BCKDHB: variants seen among roughly 807,000 people sequenced by gnomAD.
BCKDHB encodes branched chain keto acid dehydrogenase E1 subunit beta, also known as 2-oxoisovalerate dehydrogenase subunit beta, mitochondrial.
In BCKDHB, 41 loss-of-function variants were observed where a neutral mutation model predicts 48.5. The observed-to-expected ratio is 0.85, with a 90% confidence interval of 0.66 to 1.10. The LOEUF is 1.10. Among genes scored for constraint, BCKDHB ranks in the 50% least tolerant of loss-of-function variants. The pLI is 0.00. For synonymous variants in BCKDHB, 201 were observed against 174.8 expected (o/e 1.15, Z -1.18); for missense variants, 496 against 494.2 (o/e 1.00, Z -0.03).
chr6:80,248,896 G>T (rs1356257255), intron 8 of BCKDHB, among the ~76,000 whole-genome samples: 2 of 61,672 alleles, frequency 3.2e-5, no homozygotes, highest in Non-Finnish European at 6.5e-5. Context: ...TTGTGTGTGT[G>T]TGTGTATGTG....
chr6:80,436,625 C>T, the BCKDHB span, among the ~76,000 whole-genome samples: 7 of 152,078 alleles, frequency 4.6e-5, no homozygotes, highest in African/African-American at 7.2e-5. Flanking sequence ...GAAACCACTG[C>T]GAATTTAGAG....
At chr6:80,321,513 G>A (rs1390736979) in intron 9 of BCKDHB, among the ~76,000 whole-genome samples, 1 of 152,124 alleles carries the variant, frequency 6.6e-6, no homozygotes, top group East Asian at 1.9e-4. Flanking sequence ...GATTCCTTAT[G>A]TGTGAGGCTG....
chr6:80,180,208 A>AAT, intron 6 of BCKDHB, among the ~76,000 whole-genome samples: 1 of 152,348 alleles, frequency 6.6e-6, no homozygotes, highest in Admixed American at 6.5e-5. Context: ...ATATGCAATC[A>AAT]ATATATATAA....
At chr6:80,132,711 A>C (rs778407553) in intron 3 of BCKDHB, among the ~76,000 whole-genome samples, 5 of 152,172 alleles carry the variant, frequency 3.3e-5, no homozygotes, top group Non-Finnish European at 7.3e-5. Flanking sequence ...AGGGCAGTGA[A>C]GTTACACTTT....
At chr6:80,220,852 A>G (rs1427020088) in intron 8 of BCKDHB, among the ~76,000 whole-genome samples, 2 of 150,120 alleles carry the variant, frequency 1.3e-5, no homozygotes, top group East Asian at 4.0e-4. Context: ...CTCCTGCCTC[A>G]GCCTCCCAAG....
intron 9 of BCKDHB, among the ~76,000 whole-genome samples, chr6:80,313,320 TTCTC>T (rs925029290): frequency 1.3e-5 from 2 of 152,226 alleles, no homozygotes; most frequent in African/African-American, 2.4e-5. Flanking sequence ...TATTTGAATC[TTCTC>T]TCTTTTTTTC....
intron 9 of BCKDHB, among the ~76,000 whole-genome samples, chr6:80,315,738 C>T (rs1768414868): frequency 6.6e-6 from 1 of 152,122 alleles, no homozygotes; most frequent in Non-Finnish European, 1.5e-5. Flanking sequence ...TCCACGTCGG[C>T]CTGCCAAAGT....
intron 6 of BCKDHB, among the ~76,000 whole-genome samples, chr6:80,181,905 G>A (rs1773429589): frequency 6.6e-6 from 1 of 152,112 alleles, no homozygotes; most frequent in Non-Finnish European, 1.5e-5. Context: ...TGTTTGTACT[G>A]AAAAGTACAA....
At chr6:80,218,003 A>G (rs533348238) in intron 8 of BCKDHB, among the ~76,000 whole-genome samples, 11 of 152,276 alleles carry the variant, frequency 7.2e-5, no homozygotes, top group African/African-American at 1.4e-4. Context: ...GACATAGTGC[A>G]TGGTACTATA....
chr6:80,453,933 A>ACTG, the BCKDHB span, among the ~76,000 whole-genome samples: 4 of 151,984 alleles, frequency 2.6e-5, no homozygotes, highest in African/African-American at 9.7e-5. Context: ...TCTGCTTCAC[A>ACTG]CTGCTGCCTT....
chr6:80,303,159 A>G (rs548199376), intron 9 of BCKDHB, among the ~76,000 whole-genome samples: 6 of 152,178 alleles, frequency 3.9e-5, no homozygotes, highest in Admixed American at 6.6e-5. Context: ...GGATTTACGT[A>G]ATCTTTTATT....
intron 9 of BCKDHB, among the ~76,000 whole-genome samples, chr6:80,288,233 T>C (rs1488488795): frequency 6.6e-6 from 1 of 152,110 alleles, no homozygotes; most frequent in Non-Finnish European, 1.5e-5. Flanking sequence ...ATAACAACTT[T>C]TAAAGTTTTA....
At chr6:80,140,224 A>G (rs1483070959) in intron 3 of BCKDHB, among the ~76,000 whole-genome samples, 1 of 152,184 alleles carries the variant, frequency 6.6e-6, no homozygotes, top group Admixed American at 6.5e-5. Context: ...TGGGGTTTCT[A>G]GATATACAAT....
chr6:80,230,055 T>G (rs1775851541), intron 8 of BCKDHB, among the ~76,000 whole-genome samples: 1 of 98,998 alleles, frequency 1.0e-5, no homozygotes, highest in Non-Finnish European at 2.1e-5. Flanking sequence ...TTTTTTTTTT[T>G]TGAGACGGAG....
chr6:80,382,157 C>A, the BCKDHB span, among the ~76,000 whole-genome samples: 1 of 152,078 alleles, frequency 6.6e-6, no homozygotes, highest in African/African-American at 2.4e-5. Flanking sequence ...CCAGATTGAA[C>A]AATATCTCTT....
At chr6:80,231,853 T>C (rs893418386) in intron 8 of BCKDHB, among the ~76,000 whole-genome samples, 8 of 152,112 alleles carry the variant, frequency 5.3e-5, no homozygotes, top group African/African-American at 1.4e-4. Flanking sequence ...TAGTCCCAGC[T>C]ACTTGGGAGG....
In BCKDHB at chr6:80,340,773, CTG is replaced by C. The variant is rs940749769; in HGVS notation, c.1039-2875_1039-2874del. 6.4e-3 allele frequency among the ~76,000 whole-genome samples: 941 copies of C among 147,390 alleles called. 2 individuals carry two copies. The highest frequency in any genetic ancestry group is 1.0e-2 in the Non-Finnish European group (663 of 66,482). ...GCCAGTGGGATTCGGTATTTTTTTT[CTG>C]TGTGTGTGTGTGTGTTTGTGTGTGT... On this transcript the variant is annotated intron_variant, in intron 9 of 9. Transcript: ENST00000320393.
intron 9 of BCKDHB, among the ~76,000 whole-genome samples, chr6:80,300,585 G>C (rs950950338): frequency 3.3e-5 from 5 of 152,172 alleles, no homozygotes; most frequent in Admixed American, 1.3e-4. Context: ...GCCACTGACA[G>C]TGTTAGAAAT....
rs1776288415 is a variant in BCKDHB at position 80,239,476 on chromosome 6, A to C, written c.952-33659A>C. Among the ~76,000 whole-genome samples, 3 of 152,034 alleles carry C rather than the reference A, an allele frequency of 2.0e-5. No individual in the cohort carries two copies. In the South Asian group the frequency reaches 6.2e-4, roughly 32 times the overall value. On this transcript the variant is annotated intron_variant, in intron 8 of 9. Coordinates refer to ENST00000320393, the MANE Select transcript of BCKDHB (RefSeq NM_183050.4). ...TTGATTTTTTCTTGTAAATTTTTTT[A>C]AGTTCTTTGTAGATTCTGGATATTA...
Sources: gnomAD v4.1 joint callset for allele counts (sites outside exome capture counted in the v4.1 genomes callset) on GRCh38, gnomAD v4.1.1 for gene constraint, MANE v1.5 for transcripts, NCBI Gene and HGNC (gene_info 2026-07-23, HGNC 2026-07-21) for gene names.